RAB19: variants seen among roughly 807,000 people sequenced by gnomAD.
RAB19 encodes the protein RAB19, member RAS oncogene family.
RAB19 carries 21 observed loss-of-function variants against 17.3 expected under a neutral mutation model. The ratio of observed to expected loss-of-function variants is 1.21; its 90% confidence interval spans 0.86 to 1.74. RAB19 has a LOEUF of 1.74. Among genes scored for constraint, RAB19 ranks in the 40% most tolerant of loss-of-function variants. The pLI, the probability that RAB19 is intolerant of heterozygous loss-of-function variation, is 0.00. For missense variants in RAB19, 277 were observed against 286.8 expected (o/e 0.97, Z 0.25); for synonymous variants, 126 against 110.4 (o/e 1.14, Z -0.88).
chr7:140,421,044 C>T (rs1420683417), intron 3 of RAB19, among the ~76,000 whole-genome samples: 2 of 151,890 alleles, frequency 1.3e-5, no homozygotes, highest in Admixed American at 6.6e-5. Flanking sequence ...AGGCGCCCAC[C>T]ACCACACCCA....
At chr7:140,406,029 G>C (rs997981029) in intron 1 of RAB19, among the ~76,000 whole-genome samples, 20 of 152,004 alleles carry the variant, frequency 1.3e-4, no homozygotes, top group African/African-American at 4.8e-4. Context: ...GATCACCTGA[G>C]GTCAAGAGTT....
At chr7:140,410,528 T>A (rs1035073756) in intron 2 of RAB19, among the ~76,000 whole-genome samples, 1 of 151,826 alleles carries the variant, frequency 6.6e-6, no homozygotes, top group Admixed American at 6.6e-5. Context: ...GGGTTTCACC[T>A]TGTTAGCCAG....
chr7:140,425,373 G>A (rs1799644294), intron 3 of RAB19, among the ~76,000 whole-genome samples: 1 of 152,068 alleles, frequency 6.6e-6, no homozygotes, highest in Non-Finnish European at 1.5e-5. Context: ...AGCTAAATGA[G>A]CTCCATCTCA....
At chr7:140,409,752 G>A (rs970574269) in intron 2 of RAB19, among the ~76,000 whole-genome samples, 3 of 151,586 alleles carry the variant, frequency 2.0e-5, no homozygotes, top group African/African-American at 7.3e-5. Flanking sequence ...CCAGCACTTT[G>A]GGAGGCCGAG....
At chr7:140,411,072 A>G in intron 2 of RAB19, 2 of 1,367,836 alleles carry the variant, frequency 1.5e-6, no homozygotes, top group South Asian at 1.1e-5. Flanking sequence ...AGTCAGGAGA[A>G]AAGGCAAAGA....
intron 2 of RAB19, among the ~76,000 whole-genome samples, chr7:140,411,538 TA>T (rs11449354): frequency 0.011 from 1,578 of 144,742 alleles, 18 homozygotes; most frequent in African/African-American, 0.03. Context: ...CCTGATGAGC[TA>T]AAAAAAAAAA....
chr7:140,419,502 G>A (rs574567338), intron 3 of RAB19, among the ~76,000 whole-genome samples: 2 of 151,970 alleles, frequency 1.3e-5, no homozygotes, highest in South Asian at 2.1e-4. Context: ...TGTATAATTC[G>A]TATACTATTC....
At position 140,407,816 on chromosome 7, in the gene RAB19, G is replaced by T. The variant is rs373562675; in HGVS notation, c.170G>T (p.Arg57Leu). 6.2e-7 allele frequency: 1 copy of T among 1,612,490 alleles called. No individual in the cohort carries two copies. Among genetic ancestry groups the T allele is most frequent in the Admixed American group, 1.7e-5 (1 of 59,854 alleles). The change falls in exon 2 of 4, where the codon CGT (arginine) becomes CTT (leucine). Residue 57 changes from arginine (R) to leucine (L), a missense_variant. By Grantham distance (102) the Arg-to-Leu change is moderately radical (BLOSUM62 -2). Transcript: ENST00000537763. Reference protein sequence around the residue: ...QNTIGVDFTVRSLDIDGKKVK... With the variant: ...QNTIGVDFTVLSLDIDGKKVK... ...ACGATTGGAGTGGACTTTACCGTGC[G>T]TTCCCTTGATATTGACGGCAAAAAA...
rs1003020267 is a variant in RAB19, at chr7:140,426,295, C to T, written c.*145C>T. The T allele has an allele frequency of 2.3e-6, 2 of 888,752 alleles. No individual in the cohort carries two copies. Among genetic ancestry groups the T allele is most frequent in the Admixed American group, 5.8e-5 (2 of 34,368 alleles). 55.1% of individuals were successfully genotyped at this position (888,752 alleles called of 1,614,324 possible). The stretch of plus-strand genomic sequence containing the variant: ...CCTAATCCTCCCAGTCTGGATGGGC[C>T]ACACTTCTCCCTTGACTCACACCAC... On this transcript the variant is annotated 3_prime_UTR_variant, in exon 4 of 4. Coordinates refer to ENST00000537763, the MANE Select transcript of RAB19 (RefSeq NM_001008749.3).
intron 3 of RAB19, among the ~76,000 whole-genome samples, chr7:140,417,744 G>A (rs1042771806): frequency 6.6e-6 from 1 of 152,214 alleles, no homozygotes; most frequent in Admixed American, 6.5e-5. Flanking sequence ...CAGCAGGGCC[G>A]TGCCCCTCTG....
intron 2 of RAB19, 134 bp from the exon 3 acceptor site, chr7:140,411,740 C>G: frequency 6.5e-7 from 1 of 1,546,808 alleles, no homozygotes; most frequent in Non-Finnish European, 8.7e-7. Context: ...CCCTGGGTCC[C>G]ACCCCAGATC....
At chr7:140,419,917 G>T (rs1157501028) in intron 3 of RAB19, among the ~76,000 whole-genome samples, 1 of 152,148 alleles carries the variant, frequency 6.6e-6, no homozygotes, top group Non-Finnish European at 1.5e-5. Flanking sequence ...GTGTTTGTTA[G>T]CTATTCGGAT....
intron 3 of RAB19, among the ~76,000 whole-genome samples, chr7:140,414,731 C>T (rs1799424598): frequency 6.6e-6 from 1 of 152,176 alleles, no homozygotes; most frequent in East Asian, 1.9e-4. Flanking sequence ...TGTCCCGGCA[C>T]ACATTGCCTC....
chr7:140,412,199 C>T, intron 3 of RAB19, 142 bp downstream of exon 3: 1 of 887,282 alleles, frequency 1.1e-6, no homozygotes, highest in Non-Finnish European at 1.8e-6. Flanking sequence ...CACCTGTAAT[C>T]CCAGCACTTT....
At chr7:140,405,678 G>A (rs369750262) in intron 1 of RAB19, among the ~76,000 whole-genome samples, 3 of 151,016 alleles carry the variant, frequency 2.0e-5, no homozygotes, top group East Asian at 1.9e-4. Flanking sequence ...GCGGCCTGGC[G>A]CACTAAACAT....
At chr7:140,411,741 A>G in intron 2 of RAB19, 133 bp from the exon 3 acceptor site, 1 of 1,550,486 alleles carries the variant, frequency 6.4e-7, no homozygotes, top group South Asian at 1.2e-5. Flanking sequence ...CCTGGGTCCC[A>G]CCCCAGATCT....
At chr7:140,407,921 C>A (rs533471165) in intron 2 of RAB19, 74 bp downstream of exon 2, 6 of 1,089,396 alleles carry the variant, frequency 5.5e-6, no homozygotes, top group Non-Finnish European at 6.4e-6. Context: ...GAGACGGAGT[C>A]TCGCGCGATC....
At chr7:140,416,996 C>T (rs1356459605) in intron 3 of RAB19, among the ~76,000 whole-genome samples, 1 of 150,796 alleles carries the variant, frequency 6.6e-6, no homozygotes, top group African/African-American at 2.4e-5. Context: ...GAGGCCGAGG[C>T]AGGTGGATCA....
At chr7:140,411,017 C>T (rs770017226) in intron 2 of RAB19, 28 of 1,367,778 alleles carry the variant, frequency 2.0e-5, no homozygotes, top group East Asian at 4.5e-5. Context: ...TTCAGATCCA[C>T]GGGCAGACTC....
Sources: gnomAD v4.1 joint callset for allele counts (sites outside exome capture counted in the v4.1 genomes callset) on GRCh38, gnomAD v4.1.1 for gene constraint, MANE v1.5 for transcripts, NCBI Gene and HGNC (gene_info 2026-07-23, HGNC 2026-07-21) for gene names.